Variants in HSPB8 observed in about 807,000 individuals in gnomAD.
HSPB8 encodes heat shock protein beta-8.
In HSPB8, 9 loss-of-function variants were observed where a neutral mutation model predicts 16.5. That is an observed-to-expected ratio of 0.55 (90% CI 0.33 to 0.95). The LOEUF (loss-of-function observed/expected upper bound fraction) is 0.95, where lower values mean the gene tolerates loss of function less well. HSPB8 is among the 40% of genes least tolerant of loss of function. The pLI is 0.03. For synonymous variants in HSPB8, 99 were observed against 94.8 expected (o/e 1.04, Z -0.26); for missense variants, 238 against 251.2 (o/e 0.95, Z 0.35).
rs905510204 is a variant in HSPB8 at position 119,194,031 on chromosome 12, A to G, written c.*173A>G. ...GTGTAGTGGTAGATTTCTCCACAGGATAGCGCAATTGGCAAATCATGCTTG... is the reference window on the plus strand; with the variant it reads ...GTGTAGTGGTAGATTTCTCCACAGGGTAGCGCAATTGGCAAATCATGCTTG... On this transcript the variant is annotated 3_prime_UTR_variant, in exon 3 of 3. Coordinates refer to ENST00000281938, the MANE Select transcript of HSPB8 (RefSeq NM_014365.3). 1.4e-6 allele frequency: 1 copy of G among 729,764 alleles called. No homozygotes were observed. The highest frequency in any genetic ancestry group is 2.4e-6 in the Non-Finnish European group (1 of 422,982). 45.2% of individuals were successfully genotyped at this position (729,764 alleles called of 1,614,324 possible). A position where few individuals can be genotyped will look rare whatever the true frequency, so the allele number is the denominator to read the frequency against.
rs143206856 is a variant in HSPB8, at chr12:119,192,343, G to A, written c.432-1356G>A. On this transcript the variant is annotated intron_variant, in intron 2 of 2. Coordinates refer to ENST00000281938, the MANE Select transcript of HSPB8 (RefSeq NM_014365.3). ...TCTTACAATACTCCAACCAAGTATTGTCTATAACTGAGTTTTAAGAACAAG... is the reference window on the plus strand; with the variant it reads ...TCTTACAATACTCCAACCAAGTATTATCTATAACTGAGTTTTAAGAACAAG... Among the ~76,000 whole-genome samples, 1,495 of 152,090 alleles carry A rather than the reference G, an allele frequency of 9.8e-3. 32 individuals carry two copies. The highest frequency in any genetic ancestry group is 0.035 in the African/African-American group (1,432 of 41,490).
chr12:119,191,759 C>T (rs1356001690), intron 2 of HSPB8, among the ~76,000 whole-genome samples: 2 of 152,190 alleles, frequency 1.3e-5, no homozygotes, highest in Non-Finnish European at 2.9e-5. Flanking sequence ...CCGGTCCTTC[C>T]TGCCATAGTC....
At chr12:119,187,500 A>G (rs560492130) in intron 2 of HSPB8, among the ~76,000 whole-genome samples, 1 of 152,120 alleles carries the variant, frequency 6.6e-6, no homozygotes, top group African/African-American at 2.4e-5. Context: ...GATTACAGGC[A>G]TGTGCCACCA....
At position 119,193,733 on chromosome 12, in the gene HSPB8, G is replaced by C. The variant is rs752517886; in HGVS notation, c.466G>C (p.Ala156Pro). ...AGAGGTGGATCCTGTGACAGTATTT[G>C]CCTCACTTTCCCCAGAGGGTCTGCT... ...PAEVDPVTVF[A>P]SLSPEGLLII... The change falls in exon 3 of 3, where the codon GCC becomes CCC. Residue 156 changes from alanine (A) to proline (P), a missense_variant. Ala to Pro is a conservative substitution (Grantham distance 27). Coordinates refer to ENST00000281938, the MANE Select transcript of HSPB8 (RefSeq NM_014365.3). The C allele has an allele frequency of 1.9e-6, 3 of 1,614,078 alleles. No homozygotes were observed. In the African/African-American group the frequency reaches 4.0e-5, roughly 22 times the overall value.
chr12:119,179,536 C>G lies in HSPB8; in HGVS notation c.224C>G (p.Ala75Gly), dbSNP rs547024896. Residue 75 changes from alanine to glycine, a missense_variant, in exon 1 of 3, where the codon GCC becomes GGC. Ala to Gly is a moderately conservative substitution (Grantham distance 60). Coordinates refer to ENST00000281938, the MANE Select transcript of HSPB8 (RefSeq NM_014365.3). ...RSGMVPRGPT[A>G]TARFGVPAEG... ...GGCATGGTGCCCCGGGGCCCCACTG[C>G]CACCGCCAGGTTTGGGGTGCCTGCC... 61 of 1,613,758 alleles carry G rather than the reference C, an allele frequency of 3.8e-5. 1 individual carries two copies. The South Asian group carries it at 6.4e-4, about 17-fold the overall frequency.
chr12:119,180,798 C>T (rs149555665), intron 1 of HSPB8, among the ~76,000 whole-genome samples: 116 of 152,272 alleles, frequency 7.6e-4, no homozygotes, highest in Non-Finnish European at 1.2e-3. Flanking sequence ...CAGTCAAAGC[C>T]ATTGCAAACA....
chr12:119,179,185 C>G lies in HSPB8; in HGVS notation c.-128C>G. The G allele has an allele frequency of 1.0e-6, 1 of 972,068 alleles. No individual in the cohort carries two copies. Among genetic ancestry groups the G allele is most frequent in the Non-Finnish European group, 1.6e-6 (1 of 626,848 alleles). The allele number at this position is 972,068 out of a possible 1,614,324, so 60.2% of individuals were successfully genotyped here. On this transcript the variant is annotated 5_prime_UTR_variant, in exon 1 of 3. Transcript: ENST00000281938. The stretch of plus-strand genomic sequence containing the variant: ...TGGCAGTGGTTGGTTCTGCTTCTCC[C>G]TGCAGAAAAGCAGCATTTTCGGAAG...
chr12:119,189,948 C>T (rs984079332), intron 2 of HSPB8, among the ~76,000 whole-genome samples: 4 of 152,208 alleles, frequency 2.6e-5, no homozygotes, highest in African/African-American at 9.7e-5. Context: ...CAGTGCCCAG[C>T]TGCACTAGTT....
intron 2 of HSPB8, 135 bp from the exon 3 acceptor site, chr12:119,193,564 A>T: frequency 1.1e-6 from 1 of 885,424 alleles, no homozygotes. Flanking sequence ...AAAGGGGTAG[A>T]GCCAGGATTC....
rs1382001500 is a variant in HSPB8, at chr12:119,178,951, C to T, written c.-362C>T. The T allele has an allele frequency of 1.7e-5, 6 of 346,616 alleles. No homozygotes were observed. Among genetic ancestry groups the T allele is most frequent in the African/African-American group, 1.3e-4 (6 of 47,678 alleles). The allele number at this position is 346,616 out of a possible 1,614,324, so 21.5% of individuals were successfully genotyped here. On this transcript the variant is annotated 5_prime_UTR_variant, in exon 1 of 3. Transcript: ENST00000281938. ...GAGCCAGAAGAAGTTTCTAGGCGCG[C>T]GTGCCCTGGGTTTATTAAGCTCCTG...
chr12:119,183,700 G>A (rs1954653959), intron 1 of HSPB8, among the ~76,000 whole-genome samples: 1 of 152,126 alleles, frequency 6.6e-6, no homozygotes, highest in Admixed American at 6.5e-5. Flanking sequence ...AATCTAAGTA[G>A]GCAAATGATA....
intron 2 of HSPB8, among the ~76,000 whole-genome samples, chr12:119,188,160 T>C (rs768494291): frequency 2.6e-5 from 4 of 152,008 alleles, no homozygotes; most frequent in South Asian, 2.1e-4. Flanking sequence ...TGCCAGGTGC[T>C]TCATACATAC....
At chr12:119,190,819 G>A (rs1954708006) in intron 2 of HSPB8, among the ~76,000 whole-genome samples, 1 of 152,198 alleles carries the variant, frequency 6.6e-6, no homozygotes, top group Non-Finnish European at 1.5e-5. Context: ...GTTAAAAAGG[G>A]AAGGTAGCAA....
At chr12:119,181,407 G>A (rs1217664261) in intron 1 of HSPB8, among the ~76,000 whole-genome samples, 3 of 152,158 alleles carry the variant, frequency 2.0e-5, no homozygotes, top group East Asian at 1.9e-4. Context: ...ACAAATGGTC[G>A]CATTCTTTTG....
chr12:119,189,737 C>T (rs939798616), intron 2 of HSPB8, among the ~76,000 whole-genome samples: 3 of 152,148 alleles, frequency 2.0e-5, no homozygotes, highest in African/African-American at 7.2e-5. Context: ...TCCTAACAGG[C>T]CACAGATGGG....
intron 1 of HSPB8, among the ~76,000 whole-genome samples, chr12:119,181,305 A>G (rs1954635771): frequency 6.6e-6 from 1 of 152,230 alleles, no homozygotes; most frequent in African/African-American, 2.4e-5. Context: ...TGAGACATCA[A>G]TCAATATATG....
Position 119,179,196 on chromosome 12 carries a change from C to A in HSPB8, c.-117C>A. 9.3e-7 allele frequency: 1 copy of A among 1,078,246 alleles called. No homozygotes were observed. Among genetic ancestry groups the A allele is most frequent in the Non-Finnish European group, 1.4e-6 (1 of 716,784 alleles). 66.8% of individuals were successfully genotyped at this position (1,078,246 alleles called of 1,614,324 possible). ...GGTTCTGCTTCTCCCTGCAGAAAAGCAGCATTTTCGGAAGCTGAAGAATAA... is the reference window on the plus strand; with the variant it reads ...GGTTCTGCTTCTCCCTGCAGAAAAGAAGCATTTTCGGAAGCTGAAGAATAA... On this transcript the variant is annotated 5_prime_UTR_variant, in exon 1 of 3. Transcript: ENST00000281938.
chr12:119,181,725 T>C (rs554274315), intron 1 of HSPB8, among the ~76,000 whole-genome samples: 4 of 152,350 alleles, frequency 2.6e-5, no homozygotes, highest in Admixed American at 2.6e-4. Context: ...CCAGCACTGC[T>C]GTTCACTAGC....
intron 2 of HSPB8, among the ~76,000 whole-genome samples, chr12:119,193,011 GA>G (rs528097510): frequency 5.1e-4 from 77 of 152,248 alleles, no homozygotes; most frequent in African/African-American, 1.9e-3. Flanking sequence ...CAACGTATGG[GA>G]ATTATGGGAG....
Sources: allele counts gnomAD v4.1 joint callset (sites outside exome capture counted in the v4.1 genomes callset), GRCh38; gene constraint gnomAD v4.1.1; transcripts MANE v1.5; gene names NCBI Gene and HGNC (gene_info 2026-07-23, HGNC 2026-07-21).